SPON1: variants seen among roughly 807,000 people sequenced by gnomAD.
SPON1 encodes spondin-1.
A neutral mutation model predicts 111.7 loss-of-function variants in SPON1; 52 were observed. That is an observed-to-expected ratio of 0.47 (90% CI 0.37 to 0.59). The LOEUF (loss-of-function observed/expected upper bound fraction) is 0.59, where lower values mean the gene tolerates loss of function less well. SPON1 is among the 20% of genes least tolerant of loss of function. The pLI, the probability that SPON1 is intolerant of heterozygous loss-of-function variation, is 0.00. For missense variants in SPON1, 957 were observed against 1,068.5 expected (o/e 0.90, Z 1.46); for synonymous variants, 410 against 395.8 (o/e 1.04, Z -0.43).
intron 5 of SPON1, among the ~76,000 whole-genome samples, chr11:14,081,541 C>T (rs1848962162): frequency 6.6e-6 from 1 of 151,992 alleles, no homozygotes; most frequent in Non-Finnish European, 1.5e-5. Flanking sequence ...TTTTCAGTCT[C>T]CTATGCCTGC....
chr11:14,239,041 A>G (rs1030670741), intron 6 of SPON1, among the ~76,000 whole-genome samples: 4 of 152,154 alleles, frequency 2.6e-5, no homozygotes, highest in African/African-American at 9.7e-5. Context: ...CTCTGAATTT[A>G]AGTCCTTCAT....
At chr11:14,224,321 G>A (rs1368389313) in intron 6 of SPON1, among the ~76,000 whole-genome samples, 1 of 152,138 alleles carries the variant, frequency 6.6e-6, no homozygotes, top group Non-Finnish European at 1.5e-5. Context: ...GGGTGGCTAA[G>A]CTAAACCAAG....
At chr11:14,191,276 T>C (rs1197063842) in intron 6 of SPON1, among the ~76,000 whole-genome samples, 3 of 152,156 alleles carry the variant, frequency 2.0e-5, no homozygotes, top group African/African-American at 7.2e-5. Flanking sequence ...TGAGAACTAG[T>C]CTCTGCCTAG....
intron 2 of SPON1, among the ~76,000 whole-genome samples, chr11:14,032,401 A>C (rs1848565642): frequency 6.6e-6 from 1 of 152,164 alleles, no homozygotes; most frequent in Admixed American, 6.5e-5. Context: ...TCCCCTCTTA[A>C]AAGTGTCTTC....
rs1434259939 is a variant in SPON1, at chr11:14,265,939, C to G, written c.*252C>G. 1 of 374,190 alleles carries G rather than the reference C, an allele frequency of 2.7e-6. No homozygotes were observed. Among genetic ancestry groups the G allele is most frequent in the African/African-American group, 2.1e-5 (1 of 48,514 alleles). 23.2% of individuals were successfully genotyped at this position (374,190 alleles called of 1,614,324 possible). A position where few individuals can be genotyped will look rare whatever the true frequency, so the allele number is the denominator to read the frequency against. On this transcript the variant is annotated 3_prime_UTR_variant, in exon 16 of 16. Transcript: ENST00000576479. The stretch of plus-strand genomic sequence containing the variant: ...GTAGTGTCAGCCACCTTGTACTAAG[C>G]TGAAACATGTCCCTCTGGAGCTTCC...
At chr11:14,160,421 ATATATATATT>A (rs1299732078) in intron 6 of SPON1, among the ~76,000 whole-genome samples, 1 of 40,390 alleles carries the variant, frequency 2.5e-5, no homozygotes, top group South Asian at 8.0e-4. Flanking sequence ...ATATATTTAT[ATATATATATT>A]TATATATATA....
intron 5 of SPON1, among the ~76,000 whole-genome samples, chr11:14,126,357 G>GT (rs1847459493): frequency 6.6e-6 from 1 of 152,150 alleles, no homozygotes; most frequent in Admixed American, 6.6e-5. Flanking sequence ...ATTAGCACTG[G>GT]TGTTTTAAGC....
intron 3 of SPON1, among the ~76,000 whole-genome samples, chr11:14,053,859 C>T (rs1381393565): frequency 1.3e-5 from 2 of 152,192 alleles, no homozygotes; most frequent in African/African-American, 2.4e-5. Flanking sequence ...CACAGTGCAA[C>T]AAAGTCATAT....
At chr11:14,167,651 T>C (rs1848046112) in intron 6 of SPON1, among the ~76,000 whole-genome samples, 1 of 152,182 alleles carries the variant, frequency 6.6e-6, no homozygotes, top group Admixed American at 6.5e-5. Context: ...CAGTTTTAAT[T>C]AATTTGGCCA....
At chr11:14,066,431 A>C (rs566697296) in intron 3 of SPON1, among the ~76,000 whole-genome samples, 1 of 152,262 alleles carries the variant, frequency 6.6e-6, no homozygotes, top group South Asian at 2.1e-4. Context: ...AATTATAGAA[A>C]ATGAGAAATA....
chr11:13,972,683 C>T (rs1554908729), intron 1 of SPON1, among the ~76,000 whole-genome samples: 1 of 152,138 alleles, frequency 6.6e-6, no homozygotes, highest in Non-Finnish European at 1.5e-5. Flanking sequence ...TACCAACTGC[C>T]ACCCCCAGCA....
chr11:14,160,023 T>C (rs1554930774), intron 6 of SPON1, among the ~76,000 whole-genome samples: 2 of 151,982 alleles, frequency 1.3e-5, no homozygotes, highest in African/African-American at 4.8e-5. Flanking sequence ...TTGTACATTT[T>C]TAAATAACTT....
chr11:14,198,621 T>C (rs1181525482), intron 6 of SPON1, among the ~76,000 whole-genome samples: 2 of 152,216 alleles, frequency 1.3e-5, no homozygotes, highest in Non-Finnish European at 2.9e-5. Context: ...GGTGTTTCTG[T>C]TTGTGGCCTC....
At chr11:13,978,744 A>G (rs1554909261) in intron 1 of SPON1, among the ~76,000 whole-genome samples, 1 of 152,214 alleles carries the variant, frequency 6.6e-6, no homozygotes, top group East Asian at 1.9e-4. Context: ...TGCAGAATGG[A>G]GGAGCTTGAC....
At chr11:14,113,995 AAAC>A (rs1849248356) in intron 5 of SPON1, among the ~76,000 whole-genome samples, 1 of 152,182 alleles carries the variant, frequency 6.6e-6, no homozygotes, top group Admixed American at 6.5e-5. Context: ...AATGTGAAAT[AAAC>A]ACATCATGGG....
intron 6 of SPON1, among the ~76,000 whole-genome samples, chr11:14,164,591 C>T (rs1177656219): frequency 6.6e-6 from 1 of 152,140 alleles, no homozygotes. Context: ...CAAACCTAAT[C>T]CTAACTGGGT....
At chr11:14,115,148 G>A (rs563577817) in intron 5 of SPON1, among the ~76,000 whole-genome samples, 32 of 152,128 alleles carry the variant, frequency 2.1e-4, no homozygotes, top group Non-Finnish European at 3.4e-4. Context: ...ATGGGAGAAG[G>A]AAACTTTCAG....
At chr11:14,137,942 T>A (rs974597905) in intron 6 of SPON1, among the ~76,000 whole-genome samples, 3 of 152,216 alleles carry the variant, frequency 2.0e-5, no homozygotes, top group Non-Finnish European at 4.4e-5. Flanking sequence ...CTAAATATTG[T>A]TCCCCGCAAG....
intron 6 of SPON1, among the ~76,000 whole-genome samples, chr11:14,214,000 G>C (rs1848602315): frequency 6.6e-6 from 1 of 152,142 alleles, no homozygotes; most frequent in South Asian, 2.1e-4. Context: ...TTGTTCCCAG[G>C]TCACCTATGG....
Sources: gnomAD v4.1 joint callset for allele counts (sites outside exome capture counted in the v4.1 genomes callset) on GRCh38, gnomAD v4.1.1 for gene constraint, MANE v1.5 for transcripts, NCBI Gene and HGNC (gene_info 2026-07-23, HGNC 2026-07-21) for gene names.